The following COMMD7 variants were observed in gnomAD, a reference collection of about 807,000 sequenced individuals.
COMMD7 encodes COMM domain containing 7.
A neutral mutation model predicts 34.8 loss-of-function variants in COMMD7; 28 were observed. The ratio of observed to expected loss-of-function variants is 0.80; its 90% CI spans 0.60 to 1.10. The LOEUF (loss-of-function observed/expected upper bound fraction) is 1.10, where lower values mean the gene tolerates loss of function less well. COMMD7 is among the 50% of genes least tolerant of loss of function. The pLI is 0.00. For synonymous variants in COMMD7, 80 were observed against 86.4 expected (o/e 0.93, Z 0.41); for missense variants, 211 against 241.6 (o/e 0.87, Z 0.84).
Position 32,703,361 on chromosome 20 carries a change from G to A in COMMD7, c.*21C>T, listed in dbSNP as rs1233138797. On this transcript the variant is annotated 3_prime_UTR_variant, in exon 9 of 9. Transcript: ENST00000278980. ...GGGAGGAGGGCAGGGAACGGGGCCA[G>A]GGGAGATGCAGGGACAGAAATCAGC... is the stretch of plus-strand genomic sequence containing the variant. 2 of 1,609,882 alleles carry A rather than the reference G, an allele frequency of 1.2e-6. No individual in the cohort carries two copies. The highest frequency in any genetic ancestry group is 1.3e-5 in the African/African-American group (1 of 74,804).
intron 3 of COMMD7, among the ~76,000 whole-genome samples, chr20:32,710,088 C>T (rs1031226761): frequency 4.0e-5 from 6 of 151,630 alleles, no homozygotes; most frequent in African/African-American, 1.5e-4. Flanking sequence ...ACTATCTTGC[C>T]AGCTCAAACT....
intron 1 of COMMD7, among the ~76,000 whole-genome samples, chr20:32,740,039 C>T (rs1184793009): frequency 7.1e-6 from 1 of 140,626 alleles, no homozygotes; most frequent in Non-Finnish European, 1.5e-5. Context: ...AAGGGCTGGC[C>T]GGATGCGGTG....
At chr20:32,708,245 C>G (rs1231076202) in intron 3 of COMMD7, among the ~76,000 whole-genome samples, 1 of 152,110 alleles carries the variant, frequency 6.6e-6, no homozygotes, top group Non-Finnish European at 1.5e-5. Context: ...ATTTGGCAAC[C>G]ACTCTCAAAT....
rs543077862 is a variant in COMMD7 at position 32,714,040 on chromosome 20, G to A, written c.242-7280C>T. Among the ~76,000 whole-genome samples, 12 of 152,276 alleles carry A rather than the reference G, an allele frequency of 7.9e-5. No individual in the cohort carries two copies. In the South Asian group the frequency reaches 2.5e-3, roughly 32 times the overall value. ...AGGCAGGAGAATCGCTTGAACCCAGGAGGTGGAGGCTGCAGTGAGCCGAGA... is the reference window on the plus strand; with the variant it reads ...AGGCAGGAGAATCGCTTGAACCCAGAAGGTGGAGGCTGCAGTGAGCCGAGA... On this transcript the variant is annotated intron_variant, in intron 3 of 8. Transcript: ENST00000278980.
In COMMD7 at chr20:32,722,411, G is replaced by A. The variant is rs575342491; in HGVS notation, c.241+5482C>T. On this transcript the variant is annotated intron_variant, in intron 3 of 8. Coordinates refer to ENST00000278980, the MANE Select transcript of COMMD7 (RefSeq NM_053041.3). ...GACAAACCCATTTCCAAAGATGAAG[G>A]CCAGAGAATGAGAATAATGATTTAT... 2.6e-5 allele frequency among the ~76,000 whole-genome samples: 4 copies of A among 152,148 alleles called. No individual in the cohort carries two copies. The East Asian group carries it at 5.8e-4, about 22-fold the overall frequency.
intron 3 of COMMD7, among the ~76,000 whole-genome samples, chr20:32,708,656 C>CTTTTTTT (rs34027862): frequency 7.4e-6 from 1 of 135,554 alleles, no homozygotes; most frequent in Non-Finnish European, 1.5e-5. Context: ...ATTATTGTAA[C>CTTTTTTT]TTTTTTTTTT....
rs996607911 is a variant in COMMD7, at chr20:32,743,167, TCACA to T, written c.84+137_84+140del. 3 of 675,598 alleles carry T rather than the reference TCACA, an allele frequency of 4.4e-6. No individual in the cohort carries two copies. The African/African-American group carries it at 5.8e-5, about 13-fold the overall frequency. The allele number at this position is 675,598 out of a possible 1,614,324, so 41.9% of individuals were successfully genotyped here. On this transcript the variant is annotated intron_variant, in intron 1 of 8. Transcript: ENST00000278980. Reference sequence around the variant, plus strand: ...ACCTTAGCCTCGCCCCGAACCCACCTCACACACCCCAAACGCCCACAAGACGCCG... The same window carrying T: ...ACCTTAGCCTCGCCCCGAACCCACCTCACCCCAAACGCCCACAAGACGCCG...
chr20:32,712,269 CAAAAAAA>C (rs56096713), intron 3 of COMMD7, among the ~76,000 whole-genome samples: 33,238 of 71,908 alleles, frequency 0.46, 5,423 homozygotes, highest in Middle Eastern at 0.67. Flanking sequence ...GACTCCGTCT[CAAAAAAA>C]AAAAAAAAAA....
intron 3 of COMMD7, among the ~76,000 whole-genome samples, chr20:32,707,088 A>G (rs1488473438): frequency 6.8e-6 from 1 of 147,420 alleles, no homozygotes; most frequent in African/African-American, 2.5e-5. Flanking sequence ...CCTGGCTAAC[A>G]TGGTGAAACC....
chr20:32,723,049 AAT>A (rs1242658941), intron 3 of COMMD7, among the ~76,000 whole-genome samples: 1 of 49,430 alleles, frequency 2.0e-5, no homozygotes, highest in Non-Finnish European at 5.5e-5. Context: ...ATAAATAAAT[AAT>A]AATAATAATA....
intron 3 of COMMD7, among the ~76,000 whole-genome samples, chr20:32,711,407 AT>A (rs1422197391): frequency 2.1e-5 from 3 of 145,516 alleles, no homozygotes; most frequent in South Asian, 2.1e-4. Flanking sequence ...AAAAAAAAAA[AT>A]GTTACTTAAA....
intron 5 of COMMD7, among the ~76,000 whole-genome samples, chr20:32,705,432 G>C (rs1290773742): frequency 6.6e-6 from 1 of 150,608 alleles, no homozygotes; most frequent in Non-Finnish European, 1.5e-5. Context: ...AGAGTGCAGT[G>C]GCATGATCTT....
chr20:32,732,991 C>T (rs916939322), intron 1 of COMMD7, among the ~76,000 whole-genome samples: 2 of 151,596 alleles, frequency 1.3e-5, no homozygotes, highest in African/African-American at 4.9e-5. Flanking sequence ...AATCCCAGCA[C>T]TTTGGTGGCT....
chr20:32,718,231 C>T (rs530701008), intron 3 of COMMD7, among the ~76,000 whole-genome samples: 519 of 151,688 alleles, frequency 3.4e-3, no homozygotes, highest in Non-Finnish European at 5.8e-3. Context: ...GGTGAAACCC[C>T]GTCTCTACTA....
chr20:32,731,064 G>A (rs552151901), intron 1 of COMMD7, among the ~76,000 whole-genome samples: 1 of 152,264 alleles, frequency 6.6e-6, no homozygotes, highest in Admixed American at 6.6e-5. Flanking sequence ...GGGTGTGGTG[G>A]CTCATGCCTG....
rs1010980905 is a variant in COMMD7 at position 32,719,905 on chromosome 20, G to A, written c.241+7988C>T. Reference sequence around the variant, plus strand: ...AGCCAAGGACTTCCAGACCAGCCTGGGCAACATAGCAAGACCCTGGCTCAA... The same window carrying A: ...AGCCAAGGACTTCCAGACCAGCCTGAGCAACATAGCAAGACCCTGGCTCAA... On this transcript the variant is annotated intron_variant, in intron 3 of 8. Transcript: ENST00000278980. Among the ~76,000 whole-genome samples, 7 of 152,172 alleles carry A rather than the reference G, an allele frequency of 4.6e-5. No individual in the cohort carries two copies. The South Asian group carries it at 1.5e-3, about 32-fold the overall frequency.
chr20:32,704,681 A>G, intron 6 of COMMD7, 133 bp downstream of exon 6: 1 of 798,790 alleles, frequency 1.3e-6, no homozygotes, highest in Non-Finnish European at 2.1e-6. Context: ...ATGTGGACAG[A>G]ATACAAAACA....
At chr20:32,705,530 T>C (rs1219175589) in intron 5 of COMMD7, among the ~76,000 whole-genome samples, 23 of 151,892 alleles carry the variant, frequency 1.5e-4, no homozygotes, top group Admixed American at 1.5e-3. Context: ...CCCACCACCA[T>C]GCCCAGCTAA....
Position 32,728,127 on chromosome 20 carries a change from T to C in COMMD7, c.100A>G (p.Thr34Ala). Residue 34 changes from threonine to alanine, a missense_variant, in exon 2 of 9, where the codon ACA becomes GCA. Thr to Ala is a moderately conservative substitution (Grantham distance 58). Transcript: ENST00000278980. ...GTTAGGAAGTGGAAAAGCACCTCTG[T>C]CAGGGCTGAGAACTGCTGTGAAGAA... ...QLGAQQFSAL[T>A]EVLFHFLTEP... is the part of the protein sequence containing the mutation. The C allele has an allele frequency of 1.9e-6, 3 of 1,614,106 alleles. No individual in the cohort carries two copies. The highest frequency in any genetic ancestry group is 1.1e-5 in the South Asian group (1 of 91,074).
Sources: allele counts gnomAD v4.1 joint callset (sites outside exome capture counted in the v4.1 genomes callset), GRCh38; gene constraint gnomAD v4.1.1; transcripts MANE v1.5; gene names NCBI Gene and HGNC (gene_info 2026-07-23, HGNC 2026-07-21).